The following SLMAP variants were observed in gnomAD, a reference collection of about 807,000 sequenced individuals.
The protein encoded by SLMAP is sarcolemma associated protein, also known as sarcolemmal membrane-associated protein.
A neutral mutation model predicts 128.8 loss-of-function variants in SLMAP; 44 were observed. That is an observed-to-expected ratio of 0.34 (90% CI 0.27 to 0.44). The LOEUF is 0.44. Ranked by LOEUF, SLMAP falls within the 20% of genes least tolerant of loss-of-function variation. SLMAP has a pLI of 1.00. For missense variants in SLMAP, 787 were observed against 985.3 expected, an observed-to-expected ratio of 0.80 and a Z score of 2.69; for synonymous variants, 327 against 348.8, an observed-to-expected ratio of 0.94 and a Z score of 0.70.
intron 2 of SLMAP, among the ~76,000 whole-genome samples, chr3:57,774,898 A>G (rs762638478): frequency 6.6e-6 from 1 of 152,120 alleles, no homozygotes; most frequent in Non-Finnish European, 1.5e-5. Flanking sequence ...AAGCATTAAT[A>G]TGTATTCATA....
intron 3 of SLMAP, among the ~76,000 whole-genome samples, chr3:57,838,033 C>T (rs1577322778): frequency 6.6e-6 from 1 of 152,150 alleles, no homozygotes. Flanking sequence ...CATAGATTTG[C>T]GCATCAGCTC....
intron 17 of SLMAP, among the ~76,000 whole-genome samples, chr3:57,902,349 A>G (rs1432390878): frequency 6.6e-6 from 1 of 152,236 alleles, no homozygotes; most frequent in Non-Finnish European, 1.5e-5. Context: ...TAAAAATCAC[A>G]AGCTAGATCA....
chr3:57,885,071 A>AT (rs543338432), intron 14 of SLMAP, among the ~76,000 whole-genome samples: 23,325 of 142,098 alleles, frequency 0.16, 2,333 homozygotes, highest in East Asian at 0.42. Context: ...AGAAGCAGAA[A>AT]TTTTTTTTTT....
At chr3:57,766,264 C>T (rs1559908477) in intron 2 of SLMAP, among the ~76,000 whole-genome samples, 1 of 150,698 alleles carries the variant, frequency 6.6e-6, no homozygotes, top group Non-Finnish European at 1.5e-5. Context: ...GATCCGCCTG[C>T]CTCAGCCTCC....
chr3:57,906,197 G>T (rs994464838), intron 17 of SLMAP, among the ~76,000 whole-genome samples: 1 of 150,752 alleles, frequency 6.6e-6, no homozygotes, highest in Non-Finnish European at 1.5e-5. Flanking sequence ...TCTGCCACTG[G>T]AAAAATCTCT....
chr3:57,828,789 A>T (rs1560140066), intron 2 of SLMAP, among the ~76,000 whole-genome samples: 1 of 151,858 alleles, frequency 6.6e-6, no homozygotes, highest in South Asian at 2.1e-4. Flanking sequence ...AAGAAAAAAA[A>T]TTTTTTTTGA....
At chr3:57,838,924 A>C (rs953913057) in intron 3 of SLMAP, among the ~76,000 whole-genome samples, 1 of 152,152 alleles carries the variant, frequency 6.6e-6, no homozygotes, top group Non-Finnish European at 1.5e-5. Flanking sequence ...GGCAGAGTTT[A>C]GAAGACTGCC....
rs1273920597 is a variant in SLMAP, at chr3:57,906,302, TTTTTTTTC to T, written c.1502-1574_1502-1567del. ...TGAACCCAGAATCAAATTTTTTTCTTTTTTTTTCTTTTTTTTTTTTTTTTTTTTTTAGA... is the reference window on the plus strand; with the variant it reads ...TGAACCCAGAATCAAATTTTTTTCTTTTTTTTTTTTTTTTTTTTTTTTAGA... On this transcript the variant is annotated intron_variant, in intron 17 of 24. Transcript: ENST00000671191. Among the ~76,000 whole-genome samples the T allele has an allele frequency of 5.7e-3, 555 of 97,852 alleles. 10 individuals are homozygous for T. The highest frequency in any genetic ancestry group is 0.019 in the African/African-American group (537 of 27,654). 64.2% of individuals were successfully genotyped at this position (97,852 alleles called of 152,430 possible).
At chr3:57,903,441 A>G (rs528717236) in intron 17 of SLMAP, among the ~76,000 whole-genome samples, 1 of 152,334 alleles carries the variant, frequency 6.6e-6, no homozygotes, top group East Asian at 1.9e-4. Context: ...GCTTTCCACA[A>G]GTATGCACAT....
chr3:57,893,027 G>C (rs1054195719), intron 15 of SLMAP, among the ~76,000 whole-genome samples: 3 of 151,450 alleles, frequency 2.0e-5, no homozygotes, highest in Admixed American at 2.0e-4. Flanking sequence ...TAGAGATGGA[G>C]TTTCACTGTG....
rs1300481911 is a variant in SLMAP, at chr3:57,929,562, AAAG to A, written c.*2276_*2278del. Among the ~76,000 whole-genome samples, 2 of 152,384 alleles carry A rather than the reference AAAG, an allele frequency of 1.3e-5. No individual in the cohort carries two copies. The highest frequency in any genetic ancestry group is 1.9e-4 in the East Asian group (1 of 5,192). ...TGTTCAGTTCACTTCCACGTTAAAT[AAAG>A]AATAGGATTATTCACTGGTAATAAT... On this transcript the variant is annotated 3_prime_UTR_variant, in exon 25 of 25. Coordinates refer to ENST00000671191, the MANE Select transcript of SLMAP (RefSeq NM_001377540.1).
intron 21 of SLMAP, among the ~76,000 whole-genome samples, chr3:57,915,087 T>C (rs1327139560): frequency 6.6e-6 from 1 of 151,842 alleles, no homozygotes; most frequent in East Asian, 1.9e-4. Flanking sequence ...GGTTTCACCA[T>C]GTTGATCAGG....
intron 10 of SLMAP, among the ~76,000 whole-genome samples, chr3:57,864,018 C>A (rs1303426778): frequency 6.6e-6 from 1 of 152,086 alleles, no homozygotes; most frequent in Non-Finnish European, 1.5e-5. Flanking sequence ...TACTTGCTTC[C>A]TCCAAGTTTC....
Position 57,925,907 on chromosome 3 carries a change from G to A in SLMAP, c.2508G>A (p.Trp836Ter). Residue 836 changes from tryptophan to a stop codon, truncating the protein, a stop_gained, in exon 24 of 25, where the codon TGG becomes TGA. Transcript: ENST00000671191. LOFTEE classifies it high-confidence loss of function. ...FIGLFLAFLF[W>*]CFGPLW ...GCCTATTCCTGGCTTTCCTGTTTTGGTGTTTCGGTCCATTGTGGTAGAGAA... is the reference window on the plus strand; with the variant it reads ...GCCTATTCCTGGCTTTCCTGTTTTGATGTTTCGGTCCATTGTGGTAGAGAA... 1 of 1,550,950 alleles carries A rather than the reference G, an allele frequency of 6.4e-7. No homozygotes were observed. Among genetic ancestry groups the A allele is most frequent in the Non-Finnish European group, 8.7e-7 (1 of 1,146,992 alleles).
chr3:57,868,890 TTATA>T (rs889864340), intron 13 of SLMAP, among the ~76,000 whole-genome samples: 1 of 137,218 alleles, frequency 7.3e-6, no homozygotes, highest in Non-Finnish European at 1.5e-5. Context: ...ATAATATATA[TTATA>T]TATATTATAT....
intron 4 of SLMAP, among the ~76,000 whole-genome samples, chr3:57,843,931 C>G (rs2094112751): frequency 6.6e-6 from 1 of 151,728 alleles, no homozygotes; most frequent in Admixed American, 6.6e-5. Context: ...CAGGTGCATA[C>G]CACCATGCCC....
At position 57,912,673 on chromosome 3, in the gene SLMAP, G is replaced by A. The variant is rs756239458; in HGVS notation, c.1992G>A (p.Gln664=). ...FQLRCQQCED[Q]QREEATRLQG... Reference sequence around the variant, plus strand: ...TTAGATGTCAACAGTGTGAGGACCAGCAGAGAGAAGAAGCAACAAGGTTGC... The same window carrying A: ...TTAGATGTCAACAGTGTGAGGACCAACAGAGAGAAGAAGCAACAAGGTTGC... The change falls in exon 20 of 25, where the codon CAG becomes CAA. Residue 664 remains glutamine, a synonymous_variant. Coordinates refer to ENST00000671191, the MANE Select transcript of SLMAP (RefSeq NM_001377540.1). The A allele has an allele frequency of 4.3e-6, 7 of 1,612,322 alleles. No homozygotes were observed. The African/African-American group carries it at 8.0e-5, about 18-fold the overall frequency.
At chr3:57,923,434 C>G (rs904413498) in intron 23 of SLMAP, among the ~76,000 whole-genome samples, 2 of 152,216 alleles carry the variant, frequency 1.3e-5, no homozygotes, top group African/African-American at 4.8e-5. Flanking sequence ...AATGTTCTCA[C>G]TGAGGCACAA....
At chr3:57,860,607 T>TGTG in intron 8 of SLMAP, 92 bp from the exon 9 acceptor site, 1 of 954,224 alleles carries the variant, frequency 1.0e-6, no homozygotes, top group Non-Finnish European at 1.5e-6. Context: ...TAATATATAA[T>TGTG]TTAAAGTATA....
Sources: allele counts gnomAD v4.1 joint callset (sites outside exome capture counted in the v4.1 genomes callset), GRCh38; gene constraint gnomAD v4.1.1; transcripts MANE v1.5; gene names NCBI Gene and HGNC (gene_info 2026-07-23, HGNC 2026-07-21).